TENM3: variants seen among roughly 807,000 people sequenced by gnomAD.
The protein encoded by TENM3 is teneurin-3.
TENM3 carries 63 observed loss-of-function variants against 255.1 expected under a neutral mutation model. That is an observed-to-expected ratio of 0.25 (90% confidence interval 0.20 to 0.30). The LOEUF (loss-of-function observed/expected upper bound fraction) is 0.30, where lower values mean the gene tolerates loss of function less well. TENM3 is among the 10% of genes least tolerant of loss of function. The pLI, the probability that TENM3 is intolerant of heterozygous loss-of-function variation, is 1.00. For synonymous variants in TENM3, 1,306 were observed against 1,322.3 expected (o/e 0.99, Z 0.27); for missense variants, 2,929 against 3,461.1 (o/e 0.85, Z 3.86).
At chr4:181,743,619 G>A in the TENM3 span, among the ~76,000 whole-genome samples, 1 of 152,066 alleles carries the variant, frequency 6.6e-6, no homozygotes, top group South Asian at 2.1e-4. Context: ...GGGGCTCAGA[G>A]AGGTGGAATA....
the TENM3 span, among the ~76,000 whole-genome samples, chr4:181,796,392 G>A: frequency 5.9e-5 from 9 of 152,184 alleles, no homozygotes; most frequent in African/African-American, 9.6e-5. Flanking sequence ...GTTCAGTGGG[G>A]GAATGGTTAC....
intron 3 of TENM3, among the ~76,000 whole-genome samples, chr4:182,599,137 T>C (rs1051898353): frequency 2.0e-5 from 3 of 152,188 alleles, no homozygotes; most frequent in Admixed American, 6.5e-5. Flanking sequence ...TTTCTTGAAA[T>C]GTACCTTAAA....
chr4:181,928,144 C>T, the TENM3 span, among the ~76,000 whole-genome samples: 12 of 152,180 alleles, frequency 7.9e-5, no homozygotes, highest in South Asian at 2.1e-3. Flanking sequence ...CACAACTCCT[C>T]GCCAGCAAGG....
At chr4:181,686,031 T>C in the TENM3 span, among the ~76,000 whole-genome samples, 1 of 152,208 alleles carries the variant, frequency 6.6e-6, no homozygotes, top group Non-Finnish European at 1.5e-5. Context: ...ATGAAAATCA[T>C]CAAATCGGAT....
chr4:181,528,753 C>T, the TENM3 span, among the ~76,000 whole-genome samples: 1 of 152,234 alleles, frequency 6.6e-6, no homozygotes, highest in East Asian at 1.9e-4. Flanking sequence ...GCACTCTCCA[C>T]CACTGTGCAA....
chr4:182,401,582 A>T (rs1561409157), intron 3 of TENM3, among the ~76,000 whole-genome samples: 2 of 152,168 alleles, frequency 1.3e-5, no homozygotes, highest in Non-Finnish European at 2.9e-5. Flanking sequence ...ACCATTCAAC[A>T]TCTGTTTTAT....
chr4:181,684,001 G>A, the TENM3 span, among the ~76,000 whole-genome samples: 1 of 152,170 alleles, frequency 6.6e-6, no homozygotes, highest in Non-Finnish European at 1.5e-5. Context: ...CCACCACGGG[G>A]AAGCATTTAA....
chr4:182,338,955 A>T (rs1764307734), intron 2 of TENM3, among the ~76,000 whole-genome samples: 1 of 152,198 alleles, frequency 6.6e-6, no homozygotes, highest in African/African-American at 2.4e-5. Flanking sequence ...ACTTCAAAAG[A>T]AATATGACCA....
chr4:181,892,187 T>C, the TENM3 span, among the ~76,000 whole-genome samples: 18 of 152,208 alleles, frequency 1.2e-4, no homozygotes, highest in Non-Finnish European at 4.4e-5. Flanking sequence ...CCTACTTCAA[T>C]GAATGTCTCC....
At chr4:182,340,562 T>C (rs911209782) in intron 2 of TENM3, among the ~76,000 whole-genome samples, 16 of 152,332 alleles carry the variant, frequency 1.1e-4, no homozygotes, top group Middle Eastern at 3.4e-3. Context: ...GAAATTTCTA[T>C]TGCATGTTCA....
intron 13 of TENM3, among the ~76,000 whole-genome samples, chr4:182,721,784 A>T (rs1202153581): frequency 3.3e-5 from 5 of 152,208 alleles, no homozygotes; most frequent in African/African-American, 1.2e-4. Context: ...TCTGATGAAA[A>T]TGACCCCATT....
the TENM3 span, among the ~76,000 whole-genome samples, chr4:181,792,435 T>C: frequency 1.3e-5 from 2 of 152,140 alleles, no homozygotes; most frequent in Non-Finnish European, 2.9e-5. Flanking sequence ...TCAAAAGCAA[T>C]ATACCGGAAA....
At chr4:182,237,032 T>C (rs1756938358) in intron 1 of TENM3, among the ~76,000 whole-genome samples, 1 of 152,168 alleles carries the variant, frequency 6.6e-6, no homozygotes, top group Admixed American at 6.5e-5. Context: ...GTGTTGTTCC[T>C]GACCTGAAAA....
chr4:181,454,477 T>C, the TENM3 span, among the ~76,000 whole-genome samples: 1 of 152,104 alleles, frequency 6.6e-6, no homozygotes, highest in African/African-American at 2.4e-5. Context: ...GTTAATAAAG[T>C]CTACAGTAGT....
chr4:181,763,645 G>A, the TENM3 span, among the ~76,000 whole-genome samples: 1 of 152,268 alleles, frequency 6.6e-6, no homozygotes, highest in East Asian at 1.9e-4. Context: ...CTTCAGAGTT[G>A]AGTAATCACA....
rs569701565 is a variant in TENM3, at chr4:182,633,011, C to G, written c.988+4122C>G. On this transcript the variant is annotated intron_variant, in intron 5 of 27. Transcript: ENST00000511685. ...ACGACGCAGTCACAGCTCACTGCAG[C>G]CTCTGCCTCCTGGGCTCAAGTGATC... Among the ~76,000 whole-genome samples, 11 of 152,266 alleles carry G rather than the reference C, an allele frequency of 7.2e-5. No individual in the cohort carries two copies. The East Asian group carries it at 2.1e-3, about 29-fold the overall frequency.
chr4:182,462,776 A>C (rs554644205), intron 3 of TENM3, among the ~76,000 whole-genome samples: 13 of 151,980 alleles, frequency 8.6e-5, no homozygotes, highest in Middle Eastern at 3.4e-3. Context: ...GATCCCAGCT[A>C]CTTGGAAGGC....
the TENM3 span, among the ~76,000 whole-genome samples, chr4:181,773,156 A>G: frequency 3.3e-5 from 5 of 152,110 alleles, no homozygotes; most frequent in Non-Finnish European, 5.9e-5. Flanking sequence ...TTTCTTCTTC[A>G]GGTTAAGTCT....
At position 182,354,478 on chromosome 4, in the gene TENM3, GT is replaced by G. The variant is rs1342888661; in HGVS notation, c.511+7552del. 2.6e-5 allele frequency among the ~76,000 whole-genome samples: 4 copies of G among 152,232 alleles called. No individual in the cohort carries two copies. The East Asian group carries it at 7.7e-4, about 29-fold the overall frequency. ...TAAGTGTTAGAGCCATAGAACCTTC[GT>G]TTATTTGCCATTCCGTGAGCACTCA... On this transcript the variant is annotated intron_variant, in intron 3 of 27. Transcript: ENST00000511685.
Sources: gnomAD v4.1 joint callset for allele counts (sites outside exome capture counted in the v4.1 genomes callset) on GRCh38, gnomAD v4.1.1 for gene constraint, MANE v1.5 for transcripts, NCBI Gene and HGNC (gene_info 2026-07-23, HGNC 2026-07-21) for gene names.